The following ODAD2 variants were observed in gnomAD, a reference collection of about 807,000 sequenced individuals.
ODAD2 encodes the protein outer dynein arm-docking complex subunit 2.
A neutral mutation model predicts 106.8 loss-of-function variants in ODAD2; 89 were observed. The ratio of observed to expected loss-of-function variants is 0.83; its 90% CI spans 0.70 to 0.99. ODAD2 has a LOEUF of 0.99. Among genes scored for constraint, ODAD2 ranks in the 50% least tolerant of loss-of-function variants. The pLI, the probability that ODAD2 is intolerant of heterozygous loss-of-function variation, is 0.00. For missense variants in ODAD2, 1,168 were observed against 1,238.5 expected, an observed-to-expected ratio of 0.94 and a Z score of 0.85; for synonymous variants, 404 against 436.2, an observed-to-expected ratio of 0.93 and a Z score of 0.92.
intron 16 of ODAD2, among the ~76,000 whole-genome samples, chr10:27,924,697 G>A (rs951608280): frequency 7.6e-6 from 1 of 132,348 alleles, no homozygotes; most frequent in Admixed American, 7.5e-5. Context: ...AATAACCATT[G>A]AACCAGGAAA....
In ODAD2 at chr10:27,924,008, A is replaced by AAGGG. The variant is rs1554810838; in HGVS notation, c.2495+11001_2495+11002insCCCT. On this transcript the variant is annotated intron_variant, in intron 16 of 19. Coordinates refer to ENST00000305242, the MANE Select transcript of ODAD2 (RefSeq NM_018076.5). ...AAAGAAAGAAAGAAAGAAAGAAAGA[A>AAGGG]AGAAAGAAAGAAAGAAGGAAAGAGA... is the stretch of plus-strand genomic sequence containing the variant. 4.8e-3 allele frequency among the ~76,000 whole-genome samples: 496 copies of AAGGG among 104,248 alleles called. 34 individuals carry two copies. The highest frequency in any genetic ancestry group is 0.017 in the African/African-American group (417 of 24,254). The allele number at this position is 104,248 out of a possible 152,430, so 68.4% of individuals were successfully genotyped here.
chr10:27,869,437 C>T (rs1463931245), intron 17 of ODAD2, among the ~76,000 whole-genome samples: 9 of 150,586 alleles, frequency 6.0e-5, no homozygotes, highest in Admixed American at 1.3e-4. Flanking sequence ...CCCAGAGTGG[C>T]GTAATATAAA....
At chr10:27,905,352 C>G (rs897490385) in intron 17 of ODAD2, among the ~76,000 whole-genome samples, 1 of 151,968 alleles carries the variant, frequency 6.6e-6, no homozygotes, top group Non-Finnish European at 1.5e-5. Flanking sequence ...AACCACTGCT[C>G]AAGGAAATAA....
At chr10:27,954,986 C>A (rs1205206274) in intron 10 of ODAD2, among the ~76,000 whole-genome samples, 1 of 152,056 alleles carries the variant, frequency 6.6e-6, no homozygotes, top group Non-Finnish European at 1.5e-5. Flanking sequence ...GTTATGATTT[C>A]AAACAAGCAA....
At chr10:27,877,382 G>T (rs979010918) in intron 17 of ODAD2, among the ~76,000 whole-genome samples, 1 of 152,092 alleles carries the variant, frequency 6.6e-6, no homozygotes, top group East Asian at 1.9e-4. Context: ...AGGAGCCAAA[G>T]TCCCCGTGAG....
chr10:27,824,138 CAAAAAAAAAAA>C lies in ODAD2; in HGVS notation c.3022-11524_3022-11514del, dbSNP rs71388934. Reference sequence around the variant, plus strand: ...CCTGGGCGACAGCGAGACTCCGTCTCAAAAAAAAAAAAAAAAAAAAAAAAAAAAATAGTTCA... The same window carrying C: ...CCTGGGCGACAGCGAGACTCCGTCTCAAAAAAAAAAAAAAAAAATAGTTCA... On this transcript the variant is annotated intron_variant, in intron 19 of 19. Transcript: ENST00000305242. 5.1e-4 allele frequency among the ~76,000 whole-genome samples: 17 copies of C among 33,130 alleles called. 2 individuals carry two copies. Among genetic ancestry groups the C allele is most frequent in the Admixed American group, 8.7e-4 (2 of 2,292 alleles). 21.7% of individuals were successfully genotyped at this position (33,130 alleles called of 152,430 possible). A position where few individuals can be genotyped will look rare whatever the true frequency, so the allele number is the denominator to read the frequency against.
At chr10:27,890,758 G>GTA (rs1194428945) in intron 17 of ODAD2, among the ~76,000 whole-genome samples, 7 of 116,596 alleles carry the variant, frequency 6.0e-5, no homozygotes, top group African/African-American at 2.4e-4. Context: ...TGAAAATCTG[G>GTA]TATATATATA....
At chr10:27,959,007 G>T (rs1217984065) in intron 10 of ODAD2, 2 of 1,302,658 alleles carry the variant, frequency 1.5e-6, no homozygotes, top group Non-Finnish European at 2.0e-6. Flanking sequence ...GGGACTCTTG[G>T]GAAAAACTCA....
chr10:27,838,785 T>G (rs1317432547), intron 19 of ODAD2, among the ~76,000 whole-genome samples: 1 of 152,162 alleles, frequency 6.6e-6, no homozygotes, highest in African/African-American at 2.4e-5. Context: ...TTTTTGACCC[T>G]CCAAAACTCT....
intron 17 of ODAD2, among the ~76,000 whole-genome samples, chr10:27,902,224 T>A (rs1239516538): frequency 6.6e-6 from 1 of 152,040 alleles, no homozygotes; most frequent in Non-Finnish European, 1.5e-5. Flanking sequence ...AATAACGAAA[T>A]TAAGGCAGAA....
At chr10:27,885,902 TAA>T (rs892175779) in intron 17 of ODAD2, among the ~76,000 whole-genome samples, 10 of 123,194 alleles carry the variant, frequency 8.1e-5, no homozygotes, top group African/African-American at 3.1e-4. Flanking sequence ...TATTTATATA[TAA>T]AAATATATAT....
chr10:27,859,109 G>C (rs1839864661), intron 19 of ODAD2, among the ~76,000 whole-genome samples: 2 of 151,166 alleles, frequency 1.3e-5, no homozygotes. Context: ...TTCAATAAAA[G>C]TATGCATAAT....
chr10:27,848,225 T>C (rs986225511), intron 19 of ODAD2, among the ~76,000 whole-genome samples: 1 of 152,104 alleles, frequency 6.6e-6, no homozygotes, highest in Non-Finnish European at 1.5e-5. Flanking sequence ...AAAACAGAGA[T>C]ATAGACAAAT....
intron 12 of ODAD2, 81 bp downstream of exon 12, chr10:27,944,141 G>T (rs1210124593): frequency 1.9e-5 from 23 of 1,233,802 alleles, no homozygotes; most frequent in Non-Finnish European, 2.7e-5. Flanking sequence ...GGAATTTCCA[G>T]CGTGGCCAGA....
chr10:27,887,717 T>G (rs150532459), intron 17 of ODAD2, among the ~76,000 whole-genome samples: 27 of 152,076 alleles, frequency 1.8e-4, no homozygotes, highest in African/African-American at 5.8e-4. Context: ...AACAACACAC[T>G]TGTAAGCAAC....
rs759039864 is a variant in ODAD2, at chr10:27,985,171, A to G, written c.423T>C (p.Tyr141=). ...DPIVKILGSD[Y]NTMKENSIAL... ...CAATTGAGTTTTCTTTCATTGTATTATAATCAGAGCCCAGGATTTTTACTA... is the reference window on the plus strand; with the variant it reads ...CAATTGAGTTTTCTTTCATTGTATTGTAATCAGAGCCCAGGATTTTTACTA... The change falls in exon 4 of 20, where the codon TAT becomes TAC. Residue 141 remains tyrosine (Y), a synonymous_variant. Transcript: ENST00000305242. 5.2e-5 allele frequency: 83 copies of G among 1,583,426 alleles called. 2 individuals carry two copies. The Admixed American group carries it at 1.3e-3, about 26-fold the overall frequency.
intron 16 of ODAD2, among the ~76,000 whole-genome samples, chr10:27,916,881 G>C (rs534203493): frequency 1.3e-5 from 2 of 152,170 alleles, no homozygotes; most frequent in Non-Finnish European, 2.9e-5. Flanking sequence ...TAACCCCTGT[G>C]TTGTTCAAGG....
chr10:27,997,993 T>C (rs1850656845), intron 1 of ODAD2, among the ~76,000 whole-genome samples: 1 of 152,268 alleles, frequency 6.6e-6, no homozygotes, highest in South Asian at 2.1e-4. Context: ...CTCATTTTTC[T>C]CTTTATCCAA....
intron 19 of ODAD2, among the ~76,000 whole-genome samples, chr10:27,856,701 C>T (rs1564432828): frequency 6.6e-6 from 1 of 152,058 alleles, no homozygotes; most frequent in African/African-American, 2.4e-5. Flanking sequence ...AGAAAACACA[C>T]AAGAGATTTT....
Sources: allele counts gnomAD v4.1 joint callset (sites outside exome capture counted in the v4.1 genomes callset), GRCh38; gene constraint gnomAD v4.1.1; transcripts MANE v1.5; gene names NCBI Gene and HGNC (gene_info 2026-07-23, HGNC 2026-07-21).